Variants in ABLIM1 observed in about 807,000 individuals in gnomAD.
ABLIM1 encodes actin-binding LIM protein 1.
A neutral mutation model predicts 107.0 loss-of-function variants in ABLIM1; 40 were observed. That is an observed-to-expected ratio of 0.37 (90% CI 0.29 to 0.49). The LOEUF is 0.49. Among genes scored for constraint, ABLIM1 ranks in the 20% least tolerant of loss-of-function variants. The pLI, the probability that ABLIM1 is intolerant of heterozygous loss-of-function variation, is 0.97. For synonymous variants in ABLIM1, 357 were observed against 357.3 expected, an observed-to-expected ratio of 1.00 and a Z score of 0.01; for missense variants, 857 against 1,008.5, an observed-to-expected ratio of 0.85 and a Z score of 2.04.
rs76677886 is a variant in ABLIM1, at chr10:114,630,218, T to C, written c.244+27739A>G. ...CAAGAATGGAATGAAGAAATGGCTT[T>C]GTAATTCCCTTTCCCATCACTCATA... On this transcript the variant is annotated intron_variant, in intron 1 of 22. Transcript: ENST00000533213. 3.3e-5 allele frequency among the ~76,000 whole-genome samples: 5 copies of C among 152,226 alleles called. No homozygotes were observed. In the East Asian group the frequency reaches 9.6e-4, roughly 29 times the overall value.
intron 1 of ABLIM1, among the ~76,000 whole-genome samples, chr10:114,608,609 T>C (rs1340576499): frequency 1.3e-5 from 2 of 150,802 alleles, no homozygotes; most frequent in South Asian, 2.1e-4. Flanking sequence ...GCGGAGGTTG[T>C]GGTGAGCCGA....
intron 2 of ABLIM1, among the ~76,000 whole-genome samples, chr10:114,580,205 TTA>T (rs1555186173): frequency 5.0e-4 from 73 of 144,874 alleles, no homozygotes; most frequent in African/African-American, 1.7e-3. Context: ...ATATTATATA[TTA>T]TATATATATA....
At position 114,680,261 on chromosome 10, in the gene ABLIM1, T is replaced by C. The variant is rs529779148; in HGVS notation, c.64+4029A>G. ...TCACAATCTTATAAAGCAGACAGTA[T>C]TGTTATCTCTATTTTACAGATGTGG... is the stretch of plus-strand genomic sequence containing the variant. On this transcript the variant is annotated intron_variant, in intron 1 of 23. Transcript: ENST00000369256. Among the ~76,000 whole-genome samples the C allele has an allele frequency of 3.3e-5, 5 of 152,284 alleles. No homozygotes were observed. The South Asian group carries it at 8.3e-4, about 25-fold the overall frequency.
At chr10:114,684,263 C>T (rs1186373652) in intron 1 of ABLIM1, 3 of 1,610,732 alleles carry the variant, frequency 1.9e-6, no homozygotes, top group South Asian at 1.1e-5. Flanking sequence ...AGAATATATG[C>T]TGACTTTACA....
chr10:114,439,069 G>A, intron 21 of ABLIM1, 107 bp downstream of exon 21: 1 of 1,379,074 alleles, frequency 7.3e-7, no homozygotes, highest in Non-Finnish European at 1.0e-6. Flanking sequence ...TGGCTCACCT[G>A]AACACACCAG....
intron 6 of ABLIM1, among the ~76,000 whole-genome samples, chr10:114,512,337 G>C (rs140911467): frequency 2.1e-4 from 32 of 152,352 alleles, no homozygotes; most frequent in African/African-American, 7.0e-4. Context: ...CTGCAGAGAA[G>C]CCAAAAGGCT....
chr10:114,510,904 G>T lies in ABLIM1; in HGVS notation c.895-19026C>A, dbSNP rs184594293. 1.8e-3 allele frequency among the ~76,000 whole-genome samples: 279 copies of T among 152,050 alleles called. 6 individuals are homozygous for T. Among genetic ancestry groups the T allele is most frequent in the African/African-American group, 6.5e-3 (268 of 41,344 alleles). ...TGGGCTCAAGGGATCACCCGCCTCA[G>T]TCTCCCAAAGTGCTGGGATTACAGG... On this transcript the variant is annotated intron_variant, in intron 6 of 22. Transcript: ENST00000533213.
intron 5 of ABLIM1, 142 bp from the exon 6 acceptor site, chr10:114,545,240 A>C: frequency 1.3e-6 from 1 of 744,360 alleles, no homozygotes; most frequent in East Asian, 2.7e-5. Context: ...CTGGCAATCC[A>C]GTCAGACCTG....
chr10:114,465,385 C>T (rs1194004381), intron 12 of ABLIM1: 1 of 191,354 alleles, frequency 5.2e-6, no homozygotes, highest in African/African-American at 2.3e-5. Context: ...TTTGGGAGAT[C>T]TCCATTTTAA....
the ABLIM1 span, chr10:114,775,882 A>G: frequency 6.6e-6 from 1 of 152,266 alleles, no homozygotes; most frequent in South Asian, 2.1e-4. Context: ...GCTGTTGCTA[A>G]TAGTCAATGG....
At position 114,621,197 on chromosome 10, in the gene ABLIM1, C is replaced by T. The variant is rs80102516; in HGVS notation, c.245-19236G>A. On this transcript the variant is annotated intron_variant, in intron 1 of 22. Coordinates refer to ENST00000533213, the MANE Select transcript of ABLIM1 (RefSeq NM_002313.7). ...TCCTTCAAAGCCCAATCTTCCATGACCATCCAATAGCATTCATCACTTTCT... is the reference window on the plus strand; with the variant it reads ...TCCTTCAAAGCCCAATCTTCCATGATCATCCAATAGCATTCATCACTTTCT... 6.9e-3 allele frequency among the ~76,000 whole-genome samples: 1,051 copies of T among 152,328 alleles called. 5 individuals carry two copies. The highest frequency in any genetic ancestry group is 0.011 in the Non-Finnish European group (758 of 68,020).
chr10:114,716,520 T>TG (rs1420819772), intron 1 of ABLIM1, among the ~76,000 whole-genome samples: 2 of 152,146 alleles, frequency 1.3e-5, no homozygotes, highest in Admixed American at 6.6e-5. Context: ...TTGTCTTATG[T>TG]GGGGACCACT....
At position 114,634,134 on chromosome 10, in the gene ABLIM1, T is replaced by TTTTTTTTTTTTC. The variant is rs1555212586; in HGVS notation, c.244+23822_244+23823insGAAAAAAAAAAA. ...ATGCCATTAGCTCAATTTTTCTTTT[T>TTTTTTTTTTTTC]TTTTTTTTTTTTTTTTGAGACGGAG... is the stretch of plus-strand genomic sequence containing the variant. On this transcript the variant is annotated intron_variant, in intron 1 of 22. Transcript: ENST00000533213. 1.9e-4 allele frequency among the ~76,000 whole-genome samples: 17 copies of TTTTTTTTTTTTC among 91,062 alleles called. 2 individuals carry two copies. The highest frequency in any genetic ancestry group is 4.5e-4 in the South Asian group (1 of 2,198). 59.7% of individuals were successfully genotyped at this position (91,062 alleles called of 152,430 possible).
chr10:114,465,633 T>C, intron 12 of ABLIM1, 65 bp downstream of exon 12: 1 of 1,578,042 alleles, frequency 6.3e-7, no homozygotes, highest in Non-Finnish European at 8.6e-7. Context: ...CTATCAATAG[T>C]AGGGGAAAAA....
chr10:114,791,167 G>A, the ABLIM1 span, among the ~76,000 whole-genome samples: 3 of 151,990 alleles, frequency 2.0e-5, no homozygotes, highest in Admixed American at 1.3e-4. Context: ...TGGCAGCCTC[G>A]AACTCCTGGG....
intron 9 of ABLIM1, 33 bp downstream of exon 9, chr10:114,473,846 C>G: frequency 6.5e-7 from 1 of 1,543,686 alleles, no homozygotes; most frequent in Non-Finnish European, 8.9e-7. Flanking sequence ...TTTACCTGTC[C>G]CAGAAATGTC....
At chr10:114,766,984 T>C (rs2082910350) in intron 1 of ABLIM1, among the ~76,000 whole-genome samples, 1 of 152,176 alleles carries the variant, frequency 6.6e-6, no homozygotes, top group Non-Finnish European at 1.5e-5. Context: ...ACCCCATTTC[T>C]AGGTACAGAT....
At chr10:114,710,240 G>A (rs1284451209) in intron 1 of ABLIM1, among the ~76,000 whole-genome samples, 1 of 152,140 alleles carries the variant, frequency 6.6e-6, no homozygotes, top group East Asian at 1.9e-4. Flanking sequence ...GCAACATGGT[G>A]AAATCCCATT....
intron 7 of ABLIM1, among the ~76,000 whole-genome samples, chr10:114,490,001 C>A (rs939566509): frequency 3.3e-5 from 5 of 152,308 alleles, no homozygotes; most frequent in Admixed American, 3.3e-4. Context: ...GAGCTGCACC[C>A]GGAGCCTCTG....
Sources: allele counts gnomAD v4.1 joint callset (sites outside exome capture counted in the v4.1 genomes callset), GRCh38; gene constraint gnomAD v4.1.1; transcripts MANE v1.5; gene names NCBI Gene and HGNC (gene_info 2026-07-23, HGNC 2026-07-21).